Variants in ADAMTS19 observed in about 807,000 individuals in gnomAD.
The protein encoded by ADAMTS19 is ADAM metallopeptidase with thrombospondin type 1 motif 19, also known as A disintegrin and metalloproteinase with thrombospondin motifs 19.
In ADAMTS19, 93 loss-of-function variants were observed where a neutral mutation model predicts 153.3. That is an observed-to-expected ratio of 0.61 (90% confidence interval 0.51 to 0.72). The LOEUF is 0.72. Among genes scored for constraint, ADAMTS19 ranks in the 30% least tolerant of loss-of-function variants. ADAMTS19 has a pLI of 0.00. For synonymous variants in ADAMTS19, 600 were observed against 556.6 expected, an observed-to-expected ratio of 1.08 and a Z score of -1.10; for missense variants, 1,482 against 1,552.1, an observed-to-expected ratio of 0.95 and a Z score of 0.76.
At chr5:129,726,676 G>A (rs1757224686) in intron 21 of ADAMTS19, among the ~76,000 whole-genome samples, 1 of 152,074 alleles carries the variant, frequency 6.6e-6, no homozygotes, top group South Asian at 2.1e-4. Flanking sequence ...ACTATATAGT[G>A]CATATAGTGG....
At chr5:129,706,112 G>C (rs1478441760) in intron 21 of ADAMTS19, among the ~76,000 whole-genome samples, 1 of 152,276 alleles carries the variant, frequency 6.6e-6, no homozygotes, top group East Asian at 1.9e-4. Flanking sequence ...AGAGGGCAGG[G>C]AAAATCACCT....
chr5:129,671,588 C>T (rs1448552522), intron 16 of ADAMTS19, among the ~76,000 whole-genome samples: 1 of 152,128 alleles, frequency 6.6e-6, no homozygotes, highest in African/African-American at 2.4e-5. Context: ...AAGAAATTAA[C>T]CTGTCTACAT....
At chr5:129,678,668 G>T (rs1754658424) in intron 16 of ADAMTS19, among the ~76,000 whole-genome samples, 2 of 152,040 alleles carry the variant, frequency 1.3e-5, no homozygotes, top group Non-Finnish European at 2.9e-5. Flanking sequence ...AAATCAATTT[G>T]AAACTGTTTT....
rs147150843 is a variant in ADAMTS19 at position 129,701,565 on chromosome 5, C to T, written c.3132C>T (p.Thr1044=). Residue 1044 remains threonine, a synonymous_variant, in exon 20 of 23, where the codon ACC becomes ACT. Coordinates refer to ENST00000274487, the MANE Select transcript of ADAMTS19 (RefSeq NM_133638.6). The part of the protein sequence containing the change: ...AQRCEGQDCM[T]VWEAGVWSEC... Reference sequence around the variant, plus strand: ...GCTGTGAGGGCCAGGACTGCATGACCGTGTGGGAGGCGGGAGTGTGGTCTG... The same window carrying T: ...GCTGTGAGGGCCAGGACTGCATGACTGTGTGGGAGGCGGGAGTGTGGTCTG... The T allele has an allele frequency of 1.7e-5, 28 of 1,614,170 alleles. 1 individual carries two copies. Among genetic ancestry groups the T allele is most frequent in the African/African-American group, 8.0e-5 (6 of 75,052 alleles).
chr5:129,554,282 T>C (rs1437495529), intron 7 of ADAMTS19, among the ~76,000 whole-genome samples: 1 of 152,154 alleles, frequency 6.6e-6, no homozygotes. Context: ...CATCCATGCA[T>C]CTACCACTGT....
chr5:129,607,730 T>C (rs6871923), intron 8 of ADAMTS19, among the ~76,000 whole-genome samples: 134,470 of 152,012 alleles, frequency 0.88, 59,763 homozygotes, highest in African/African-American at 0.95. Context: ...AGTCTGGTTA[T>C]AGGCCTGTCC....
In ADAMTS19 at chr5:129,658,603, C is replaced by T; in HGVS notation, c.2305-14C>T. On this transcript the variant is annotated splice_polypyrimidine_tract_variant and intron_variant, in intron 14 of 22. Coordinates refer to ENST00000274487, the MANE Select transcript of ADAMTS19 (RefSeq NM_133638.6). Reference sequence around the variant, plus strand: ...TACTGCTATTTATGATGTGCTGTCACTCTCTTGTTACAGAAAGTTGGCTGT... The same window carrying T: ...TACTGCTATTTATGATGTGCTGTCATTCTCTTGTTACAGAAAGTTGGCTGT... 2 of 1,609,614 alleles carry T rather than the reference C, an allele frequency of 1.2e-6. No homozygotes were observed. Among genetic ancestry groups the T allele is most frequent in the Non-Finnish European group, 1.7e-6 (2 of 1,178,296 alleles).
At chr5:129,499,421 G>T (rs1158361971) in intron 2 of ADAMTS19, among the ~76,000 whole-genome samples, 1 of 152,004 alleles carries the variant, frequency 6.6e-6, no homozygotes, top group Non-Finnish European at 1.5e-5. Flanking sequence ...CACCACAGAG[G>T]CCAAAGAGTA....
chr5:129,621,606 A>G (rs1751778590), intron 9 of ADAMTS19, among the ~76,000 whole-genome samples: 1 of 152,218 alleles, frequency 6.6e-6, no homozygotes, highest in Non-Finnish European at 1.5e-5. Flanking sequence ...ACACACCATC[A>G]GTAGCTGCAT....
At chr5:129,522,299 G>GTATA (rs1182437821) in intron 3 of ADAMTS19, among the ~76,000 whole-genome samples, 524 of 97,272 alleles carry the variant, frequency 5.4e-3, no homozygotes, top group Middle Eastern at 6.9e-3. Flanking sequence ...GTGTGTGTGT[G>GTATA]TATATATATA....
intron 7 of ADAMTS19, among the ~76,000 whole-genome samples, chr5:129,579,866 G>A (rs560074118): frequency 6.6e-6 from 1 of 152,216 alleles, no homozygotes; most frequent in South Asian, 2.1e-4. Flanking sequence ...AAGACAGGTA[G>A]CATGACGCCT....
chr5:129,573,236 A>G (rs1753975717), intron 7 of ADAMTS19, among the ~76,000 whole-genome samples: 1 of 152,032 alleles, frequency 6.6e-6, no homozygotes, highest in African/African-American at 2.4e-5. Context: ...TATTTTTTGC[A>G]GATTTTAGTG....
intron 7 of ADAMTS19, among the ~76,000 whole-genome samples, chr5:129,593,719 A>G (rs1396197825): frequency 6.6e-6 from 1 of 152,140 alleles, no homozygotes; most frequent in Non-Finnish European, 1.5e-5. Flanking sequence ...AATTGAATCT[A>G]AATTTACTCA....
At chr5:129,474,392 T>C (rs1375609586) in intron 2 of ADAMTS19, among the ~76,000 whole-genome samples, 2 of 151,794 alleles carry the variant, frequency 1.3e-5, no homozygotes, top group Non-Finnish European at 2.9e-5. Context: ...TGTAGATGGG[T>C]ATTTTCACTC....
intron 2 of ADAMTS19, among the ~76,000 whole-genome samples, chr5:129,471,957 T>G (rs1396557407): frequency 6.6e-6 from 1 of 152,242 alleles, no homozygotes; most frequent in Non-Finnish European, 1.5e-5. Context: ...CTACCATTGA[T>G]GGAAAGTTAG....
intron 19 of ADAMTS19, among the ~76,000 whole-genome samples, chr5:129,697,778 TC>T (rs1365803540): frequency 1.3e-5 from 2 of 152,278 alleles, no homozygotes; most frequent in Admixed American, 6.5e-5. Flanking sequence ...CTGCTGTTCC[TC>T]AGAATTCTCT....
At position 129,684,274 on chromosome 5, in the gene ADAMTS19, G is replaced by A; in HGVS notation, c.2818+1G>A. 6.2e-7 allele frequency: 1 copy of A among 1,613,582 alleles called. No individual in the cohort carries two copies. Among genetic ancestry groups the A allele is most frequent in the Non-Finnish European group, 8.5e-7 (1 of 1,179,808 alleles). On this transcript the variant is annotated splice_donor_variant, in intron 18 of 22. Transcript: ENST00000274487. LOFTEE classifies it high-confidence loss of function. ...GATTGCGATGCCACTTGTGGAGGAG[G>A]TGAAGGATTTTTAAACATTTATCTT... is the stretch of plus-strand genomic sequence containing the variant.
At chr5:129,688,772 A>G (rs183145248) in intron 18 of ADAMTS19, among the ~76,000 whole-genome samples, 11 of 152,310 alleles carry the variant, frequency 7.2e-5, no homozygotes, top group Admixed American at 3.3e-4. Flanking sequence ...TTTTAACATC[A>G]GTCATTAAAA....
intron 7 of ADAMTS19, 36 bp from the exon 8 acceptor site, chr5:129,596,522 AT>A (rs1383610237): frequency 7.3e-6 from 10 of 1,370,472 alleles, no homozygotes; most frequent in Non-Finnish European, 1.0e-5. Context: ...TTGCATATTC[AT>A]TCAGACATAT....
Sources: gnomAD v4.1 joint callset for allele counts (sites outside exome capture counted in the v4.1 genomes callset) on GRCh38, gnomAD v4.1.1 for gene constraint, MANE v1.5 for transcripts, NCBI Gene and HGNC (gene_info 2026-07-23, HGNC 2026-07-21) for gene names.